USP50: variants seen among roughly 807,000 people sequenced by gnomAD.
The protein encoded by USP50 is ubiquitin specific peptidase 50, also known as ubiquitin carboxyl-terminal hydrolase 50.
Under a neutral mutation model 39.2 loss-of-function variants are expected in USP50, and 37 were observed. That is an observed-to-expected ratio of 0.94 (90% CI 0.73 to 1.24). The LOEUF is 1.24. Ranked by LOEUF, USP50 falls within the 50% of genes most tolerant of loss-of-function variation. The pLI, the probability that USP50 is intolerant of heterozygous loss-of-function variation, is 0.00. For synonymous variants in USP50, 139 were observed against 144.5 expected (o/e 0.96, Z 0.27); for missense variants, 374 against 398.2 (o/e 0.94, Z 0.52).
intron 6 of USP50, among the ~76,000 whole-genome samples, chr15:50,514,977 A>AAG (rs1247175457): frequency 4.7e-5 from 7 of 148,654 alleles, no homozygotes; most frequent in Admixed American, 2.7e-4. Context: ...GCCTGGGAAA[A>AAG]AGAGAGAGAC....
At chr15:50,523,698 G>A (rs2052868115) in intron 6 of USP50, among the ~76,000 whole-genome samples, 1 of 152,102 alleles carries the variant, frequency 6.6e-6, no homozygotes. Flanking sequence ...TTGCTAAAAT[G>A]TCCATACTAC....
chr15:50,529,061 C>A (rs3098199), intron 6 of USP50, among the ~76,000 whole-genome samples: 44,702 of 151,938 alleles, frequency 0.29, 6,732 homozygotes, highest in East Asian at 0.47. Flanking sequence ...TGCTTTCTTT[C>A]CTTCAGGAAA....
intron 5 of USP50, among the ~76,000 whole-genome samples, chr15:50,531,351 G>A (rs748614098): frequency 2.6e-5 from 4 of 151,996 alleles, no homozygotes; most frequent in Non-Finnish European, 4.4e-5. Context: ...AAGCAACTAT[G>A]GTACACTCAC....
Position 50,544,748 on chromosome 15 carries a change from T to C in USP50, c.87A>G (p.Pro29=). The C allele has an allele frequency of 1.9e-6, 3 of 1,614,010 alleles. No homozygotes were observed. The highest frequency in any genetic ancestry group is 2.5e-6 in the Non-Finnish European group (3 of 1,179,882). The change falls in exon 2 of 7, where the codon CCA becomes CCG. Residue 29 remains proline (P), a synonymous_variant. Transcript: ENST00000532404. ...GCTGGTTCCCATCAGCCTCCTTAAC[T>C]GGAAGGGTATCATAGTAATCTGTGC... ...AECTDYYDTL[P]VKEADGNQPH... is the part of the protein sequence containing the mutation.
At chr15:50,525,644 G>GTATATGTATATGTA (rs1379036455) in intron 6 of USP50, among the ~76,000 whole-genome samples, 18 of 80,982 alleles carry the variant, frequency 2.2e-4, no homozygotes, top group Admixed American at 2.1e-3. Context: ...ATGTATATGT[G>GTATATGTATATGTA]TATATGTATA....
At chr15:50,540,987 CCGAGAAAATCCGGGGCT>C in intron 4 of USP50, 45 bp downstream of exon 4, 1 of 1,311,760 alleles carries the variant, frequency 7.6e-7, no homozygotes, top group South Asian at 1.2e-5. Flanking sequence ...GGAAACAGCC[CCGAGAAAATCCGGGGCT>C]GAGAGTATAG....
chr15:50,527,288 T>TCCG (rs1393164864), intron 6 of USP50, among the ~76,000 whole-genome samples: 1 of 152,186 alleles, frequency 6.6e-6, no homozygotes, highest in Non-Finnish European at 1.5e-5. Flanking sequence ...CACTGCAACC[T>TCCG]CCGCCTCCCA....
intron 6 of USP50, among the ~76,000 whole-genome samples, chr15:50,526,403 TACTC>T (rs1229588644): frequency 2.6e-5 from 4 of 152,202 alleles, no homozygotes; most frequent in African/African-American, 9.7e-5. Flanking sequence ...CATGAATACT[TACTC>T]CGTTCAGATT....
At chr15:50,526,065 A>G (rs576643362) in intron 6 of USP50, among the ~76,000 whole-genome samples, 1 of 152,116 alleles carries the variant, frequency 6.6e-6, no homozygotes, top group South Asian at 2.1e-4. Flanking sequence ...ACAGTATTAT[A>G]TTATTTTATT....
chr15:50,540,913 C>T (rs1391120454), intron 4 of USP50, 136 bp downstream of exon 4: 6 of 710,048 alleles, frequency 8.5e-6, no homozygotes, highest in Admixed American at 5.6e-5. Context: ...CATGAGCCAC[C>T]GCACTCAGTC....
intron 6 of USP50, among the ~76,000 whole-genome samples, chr15:50,520,201 C>T (rs12901302): frequency 0.08 from 12,163 of 151,966 alleles, 550 homozygotes; most frequent in South Asian, 0.12. Context: ...CCTAGCTACT[C>T]GGGAAGCTGA....
chr15:50,543,721 GAC>G lies in USP50; in HGVS notation c.319_320del (p.Val107LeufsTer34), dbSNP rs569519947. ...TDMWLGDSDCVSPEIFWSALG... is the reference protein window; with the variant it reads ...TDMWLGDSDCXSPEIFWSALG... The stretch of plus-strand genomic sequence containing the variant: ...GAGCTGACCAGAATATTTCTGGTGA[GAC>G]ACAGTCTGAGTCTCCCAGCCACATG... On this transcript the variant is annotated frameshift_variant, in exon 3 of 7. Coordinates refer to ENST00000532404, the MANE Select transcript of USP50 (RefSeq NM_203494.5). LOFTEE classifies it high-confidence loss of function. 15 of 1,611,252 alleles carry G rather than the reference GAC, an allele frequency of 9.3e-6. No individual in the cohort carries two copies. The South Asian group carries it at 1.3e-4, about 14-fold the overall frequency.
At chr15:50,508,408 G>A (rs899373558) in intron 6 of USP50, 1 of 152,152 alleles carries the variant, frequency 6.6e-6, no homozygotes, top group Non-Finnish European at 1.5e-5. Flanking sequence ...GTTGATGGAT[G>A]CATGGCGGTT....
intron 6 of USP50, chr15:50,509,656 A>G (rs560062961): frequency 6.6e-6 from 1 of 152,146 alleles, no homozygotes; most frequent in Non-Finnish European, 1.5e-5. Context: ...TCAAAAAATA[A>G]AATAAAATAA....
At chr15:50,524,120 G>A (rs965550258) in intron 6 of USP50, among the ~76,000 whole-genome samples, 7 of 152,084 alleles carry the variant, frequency 4.6e-5, no homozygotes, top group African/African-American at 1.2e-4. Flanking sequence ...AACAAAAACC[G>A]GCTCAAAATG....
chr15:50,504,570 G>A (rs138471038), intron 6 of USP50: 3 of 152,242 alleles, frequency 2.0e-5, no homozygotes, highest in African/African-American at 7.2e-5. Flanking sequence ...TTTATATAGG[G>A]CCCTTGAGCA....
intron 6 of USP50, among the ~76,000 whole-genome samples, chr15:50,519,274 G>A (rs777167756): frequency 4.3e-4 from 66 of 152,008 alleles, no homozygotes; most frequent in African/African-American, 1.5e-3. Context: ...GCAACAGAGC[G>A]AGACTCTGTC....
chr15:50,532,124 C>T (rs1287944642), intron 5 of USP50: 1 of 456,296 alleles, frequency 2.2e-6, no homozygotes, highest in African/African-American at 2.0e-5. Context: ...GAGTTAAAAA[C>T]TCCAAAGAAT....
downstream of USP50, chr15:50,494,006 A>C (rs2052278976): frequency 3.2e-6 from 5 of 1,551,904 alleles, no homozygotes; most frequent in African/African-American, 5.5e-5. Flanking sequence ...TCAAGAATCT[A>C]CTGTACCTTG....
Sources: allele counts gnomAD v4.1 joint callset (sites outside exome capture counted in the v4.1 genomes callset), GRCh38; gene constraint gnomAD v4.1.1; transcripts MANE v1.5; gene names NCBI Gene and HGNC (gene_info 2026-07-23, HGNC 2026-07-21).